Variants in MOB1B observed in about 807,000 individuals in gnomAD.
MOB1B encodes MOB1 Mps One Binder homolog B.
Under a neutral mutation model 24.4 loss-of-function variants are expected in MOB1B, and 19 were observed. The ratio of observed to expected loss-of-function variants is 0.78; its 90% CI spans 0.54 to 1.14. The LOEUF is 1.14. Among genes scored for constraint, MOB1B ranks in the 50% most tolerant of loss-of-function variants. The probability of loss-of-function intolerance (pLI) is 0.00; values close to 1 mark genes in which losing one functional copy is unlikely to be tolerated. For synonymous variants in MOB1B, 76 were observed against 82.1 expected (o/e 0.93, Z 0.40); for missense variants, 243 against 259.6 (o/e 0.94, Z 0.44).
At chr4:70,956,976 A>G (rs1005902067) in intron 1 of MOB1B, among the ~76,000 whole-genome samples, 13 of 152,066 alleles carry the variant, frequency 8.5e-5, no homozygotes, top group African/African-American at 2.9e-4. Context: ...TAATGCAGCC[A>G]GGGGTTGAGA....
chr4:70,950,619 T>C, intron 1 of MOB1B: 1 of 610,298 alleles, frequency 1.6e-6, no homozygotes, highest in Non-Finnish European at 2.8e-6. Context: ...AAATGAGATA[T>C]ATTGCATGTA....
intron 1 of MOB1B, 72 bp downstream of exon 1, chr4:70,902,622 C>A (rs1353711790): frequency 7.0e-7 from 1 of 1,424,048 alleles, no homozygotes; most frequent in Non-Finnish European, 9.4e-7. Context: ...GCCCGCCGCC[C>A]GTCGCCCGCC....
intron 1 of MOB1B, among the ~76,000 whole-genome samples, chr4:70,903,399 G>A (rs1735600536): frequency 6.6e-6 from 1 of 152,184 alleles, no homozygotes; most frequent in South Asian, 2.1e-4. Context: ...GGAACGTGGA[G>A]GGGGAAGGGC....
At chr4:70,919,004 T>C (rs1736311468) in intron 1 of MOB1B, among the ~76,000 whole-genome samples, 1 of 152,030 alleles carries the variant, frequency 6.6e-6, no homozygotes, top group Non-Finnish European at 1.5e-5. Context: ...TCATGTCCTT[T>C]GTAGGGACAT....
At chr4:70,975,623 A>G in intron 4 of MOB1B, 1 of 955,222 alleles carries the variant, frequency 1.0e-6, no homozygotes, top group Non-Finnish European at 1.3e-6. Context: ...CACTGAGTTT[A>G]TTTTCAGACA....
chr4:70,979,844 C>A (rs1739132702), intron 5 of MOB1B, among the ~76,000 whole-genome samples: 1 of 152,152 alleles, frequency 6.6e-6, no homozygotes, highest in African/African-American at 2.4e-5. Flanking sequence ...TAGTTAACTT[C>A]CTCTTTTTTT....
At chr4:70,933,266 C>T (rs1736951600) in intron 1 of MOB1B, among the ~76,000 whole-genome samples, 1 of 152,116 alleles carries the variant, frequency 6.6e-6, no homozygotes, top group Non-Finnish European at 1.5e-5. Context: ...CCAATTACCT[C>T]CCACCACGCC....
intron 1 of MOB1B, among the ~76,000 whole-genome samples, chr4:70,927,695 G>T (rs2148877040): frequency 6.6e-6 from 1 of 152,174 alleles, no homozygotes; most frequent in Non-Finnish European, 1.5e-5. Flanking sequence ...GCTTGTTCTT[G>T]GCATTGCTGC....
At chr4:70,969,318 A>G (rs1374014739) in intron 2 of MOB1B, among the ~76,000 whole-genome samples, 1 of 152,102 alleles carries the variant, frequency 6.6e-6, no homozygotes, top group Non-Finnish European at 1.5e-5. Flanking sequence ...ATTGGCAGAG[A>G]CGAGGTCTCA....
intron 1 of MOB1B, among the ~76,000 whole-genome samples, chr4:70,912,666 C>A (rs545179669): frequency 6.6e-6 from 1 of 152,286 alleles, no homozygotes; most frequent in South Asian, 2.1e-4. Context: ...ATCCAGAAAC[C>A]CCATTGAGTT....
At chr4:70,918,512 C>T (rs1736286130) in intron 1 of MOB1B, among the ~76,000 whole-genome samples, 2 of 151,686 alleles carry the variant, frequency 1.3e-5, no homozygotes, top group South Asian at 4.2e-4. Flanking sequence ...CTGTTCATGT[C>T]CTTTGCCCAC....
intron 1 of MOB1B, among the ~76,000 whole-genome samples, chr4:70,904,475 G>C (rs1417578564): frequency 6.6e-6 from 1 of 151,872 alleles, no homozygotes; most frequent in Non-Finnish European, 1.5e-5. Context: ...ATTGGTTAAA[G>C]CAAGGCCAGT....
At chr4:70,930,896 A>T (rs186811821) in intron 1 of MOB1B, among the ~76,000 whole-genome samples, 5 of 152,026 alleles carry the variant, frequency 3.3e-5, no homozygotes, top group Non-Finnish European at 7.4e-5. Flanking sequence ...ATAATGTGAA[A>T]TGTCACTTTT....
chr4:70,966,860 A>T (rs1379618500), intron 2 of MOB1B, among the ~76,000 whole-genome samples: 1 of 146,090 alleles, frequency 6.8e-6, no homozygotes, highest in African/African-American at 2.6e-5. Flanking sequence ...AAAAAAAAAT[A>T]AATTAGAAAA....
At chr4:70,969,829 A>G in intron 2 of MOB1B, 102 bp from the exon 3 acceptor site, 1 of 536,048 alleles carries the variant, frequency 1.9e-6, no homozygotes, top group African/African-American at 1.9e-5. Context: ...TGTTCTTTGT[A>G]GGGGAACGAA....
intron 1 of MOB1B, among the ~76,000 whole-genome samples, chr4:70,923,230 A>G (rs1736508020): frequency 6.6e-6 from 1 of 152,174 alleles, no homozygotes; most frequent in African/African-American, 2.4e-5. Flanking sequence ...AGGAGGGCTC[A>G]GAACTTCTAG....
chr4:70,947,323 G>A (rs1436904768), intron 1 of MOB1B, among the ~76,000 whole-genome samples: 9 of 152,114 alleles, frequency 5.9e-5, no homozygotes, highest in Admixed American at 5.9e-4. Flanking sequence ...AGGTTGGAGT[G>A]CAGTTGCATG....
At chr4:70,903,974 C>CTTTTTTTTTTTTTTTTTTTTTTTTT (rs754257097) in intron 1 of MOB1B, among the ~76,000 whole-genome samples, 1 of 81,006 alleles carries the variant, frequency 1.2e-5, no homozygotes, top group Non-Finnish European at 2.1e-5. Context: ...TATTTTAGTT[C>CTTTTTTTTTTTTTTTTTTTTTTTTT]TTTTTTTTTT....
intron 1 of MOB1B, among the ~76,000 whole-genome samples, chr4:70,934,422 A>T (rs1737003915): frequency 1.3e-5 from 2 of 151,390 alleles, no homozygotes; most frequent in East Asian, 1.9e-4. Flanking sequence ...TTATGTAAAC[A>T]CTGTGGACAG....
Sources: allele counts gnomAD v4.1 joint callset (sites outside exome capture counted in the v4.1 genomes callset), GRCh38; gene constraint gnomAD v4.1.1; transcripts MANE v1.5; gene names NCBI Gene and HGNC (gene_info 2026-07-23, HGNC 2026-07-21).